Variants in KDM6B observed in about 807,000 individuals in gnomAD.
KDM6B encodes lysine-specific demethylase 6B.
KDM6B carries 22 observed loss-of-function variants against 150.4 expected under a neutral mutation model. The observed-to-expected ratio is 0.15, with a 90% CI of 0.10 to 0.21. The LOEUF (loss-of-function observed/expected upper bound fraction) is 0.21, where lower values mean the gene tolerates loss of function less well. Among genes scored for constraint, KDM6B ranks in the 10% least tolerant of loss-of-function variants. The pLI, the probability that KDM6B is intolerant of heterozygous loss-of-function variation, is 1.00. For missense variants in KDM6B, 1,984 were observed against 2,234.3 expected, an observed-to-expected ratio of 0.89 and a Z score of 2.26; for synonymous variants, 1,148 against 921.1, an observed-to-expected ratio of 1.25 and a Z score of -4.46.
intron 1 of KDM6B, among the ~76,000 whole-genome samples, chr17:7,838,103 C>T (rs1249280690): frequency 2.0e-5 from 3 of 150,396 alleles, no homozygotes; most frequent in African/African-American, 7.4e-5. Flanking sequence ...AAGACCCCAG[C>T]CCCCTCCCGT....
At chr17:7,853,174 T>G (rs369201414) in intron 22 of KDM6B, 36 bp from the exon 23 acceptor site, 20 of 1,613,804 alleles carry the variant, frequency 1.2e-5, no homozygotes, top group South Asian at 4.4e-5. Flanking sequence ...ACAGTGGCCC[T>G]CCCTCCCCCT....
rs199928323 is a variant in KDM6B, at chr17:7,847,161, G to A, written c.966G>A (p.Ala322=). 3.7e-6 allele frequency: 6 copies of A among 1,606,674 alleles called. No individual in the cohort carries two copies. The highest frequency in any genetic ancestry group is 2.2e-5 in the South Asian group (2 of 91,078). The change falls in exon 11 of 24, where the codon GCG becomes GCA. Residue 322 remains alanine, a synonymous_variant. Coordinates refer to ENST00000448097, the MANE Select transcript of KDM6B (RefSeq NM_001348716.2). ...CATACCCAGCTCCAGCGTACACCGC[G>A]CACCCCCCTGGCCACCGGCTGGTCC... ...PYPYPAPAYT[A]HPPGHRLVPA...
chr17:7,846,324 G>A (rs763981867), intron 7 of KDM6B, 27 bp downstream of exon 7: 23 of 1,597,504 alleles, frequency 1.4e-5, no homozygotes, highest in East Asian at 6.9e-5. Context: ...CGTGGGGGAC[G>A]GGATTGTACG....
At position 7,848,645 on chromosome 17, in the gene KDM6B, C is replaced by T. The variant is rs1306086868; in HGVS notation, c.2357C>T (p.Pro786Leu). ...PPPPPLAKFPPPSQPQPPPPP... is the reference protein window; with the variant it reads ...PPPPPLAKFPLPSQPQPPPPP... ...CCACCGCCTCTAGCCAAGTTCCCTC[C>T]ACCCTCTCAGCCACAGCCACCACCA... Residue 786 changes from proline to leucine, a missense_variant, in exon 12 of 24, where the codon CCA becomes CTA. Around this residue, in one of 13 missense-constraint regions of KDM6B, gnomAD observed 1,379 missense variants for 1,275.6 expected, o/e 1.08. Transcript: ENST00000448097. 3 of 1,602,318 alleles carry T rather than the reference C, an allele frequency of 1.9e-6. No individual in the cohort carries two copies. Among genetic ancestry groups the T allele is most frequent in the Admixed American group, 1.7e-5 (1 of 59,146 alleles).
At position 7,852,642 on chromosome 17, in the gene KDM6B, G is replaced by T. The variant is rs747719605; in HGVS notation, c.4610+6G>T. 2 of 1,614,000 alleles carry T rather than the reference G, an allele frequency of 1.2e-6. No homozygotes were observed. The highest frequency in any genetic ancestry group is 1.7e-6 in the Non-Finnish European group (2 of 1,180,036). Reference sequence around the variant, plus strand: ...GACTTGTTCAAGATGATCAAGTGAGGACCCTATTTGGGTGGGAGCCCACCT... The same window carrying T: ...GACTTGTTCAAGATGATCAAGTGAGTACCCTATTTGGGTGGGAGCCCACCT... On this transcript the variant is annotated splice_donor_region_variant and intron_variant, in intron 21 of 23. Transcript: ENST00000448097.
At position 7,853,564 on chromosome 17, in the gene KDM6B, CG is replaced by C; in HGVS notation, c.*47del. 1.5e-6 allele frequency: 2 copies of C among 1,371,128 alleles called. No homozygotes were observed. The highest frequency in any genetic ancestry group is 1.5e-5 in the South Asian group (1 of 66,994). 84.9% of individuals were successfully genotyped at this position (1,371,128 alleles called of 1,614,324 possible). Reference sequence around the variant, plus strand: ...GCCTGCCTGCCCGCGCAAGGCGCCGCGGGGCCACCAGCACATGCCTGGGCTG... The same window carrying C: ...GCCTGCCTGCCCGCGCAAGGCGCCGCGGGCCACCAGCACATGCCTGGGCTG... On this transcript the variant is annotated 3_prime_UTR_variant, in exon 24 of 24. Transcript: ENST00000448097.
In KDM6B at chr17:7,848,108, C is replaced by T. The variant is rs1402903976; in HGVS notation, c.1820C>T (p.Pro607Leu). Residue 607 changes from proline to leucine, a missense_variant, in exon 12 of 24, where the codon CCT (proline) becomes CTT (leucine). By Grantham distance (98) the Pro-to-Leu change is moderately conservative. Transcript: ENST00000448097. Reference protein sequence around the residue: ...PPLVPLTLALPPAPPSSCHQN... With the variant: ...PPLVPLTLALLPAPPSSCHQN... ...CTTGTACCCCTGACTCTTGCCCTGCCTCCAGCCCCTCCTTCCTCCTGCCAC... is the reference window on the plus strand; with the variant it reads ...CTTGTACCCCTGACTCTTGCCCTGCTTCCAGCCCCTCCTTCCTCCTGCCAC... 1.6e-5 allele frequency: 26 copies of T among 1,612,950 alleles called. No homozygotes were observed. The highest frequency in any genetic ancestry group is 2.1e-5 in the Non-Finnish European group (25 of 1,179,842).
At chr17:7,853,463 C>T in intron 23 of KDM6B, 35 bp from the exon 24 acceptor site, 8 of 1,511,480 alleles carry the variant, frequency 5.3e-6, no homozygotes, top group Non-Finnish European at 7.0e-6. Context: ...CCGGCCGCGC[C>T]TTTCCCTGAG....
intron 1 of KDM6B, among the ~76,000 whole-genome samples, chr17:7,837,466 G>T (rs922102493): frequency 1.3e-5 from 2 of 152,232 alleles, no homozygotes; most frequent in Non-Finnish European, 2.9e-5. Context: ...GGGGGACTCA[G>T]TTGATTGCTA....
At position 7,849,714 on chromosome 17, in the gene KDM6B, C is replaced by G. The variant is rs138335949; in HGVS notation, c.3426C>G (p.Val1142=). The G allele has an allele frequency of 1.2e-6, 2 of 1,611,480 alleles. No homozygotes were observed. The highest frequency in any genetic ancestry group is 1.1e-5 in the South Asian group (1 of 91,074). The change falls in exon 12 of 24, where the codon GTC becomes GTG. Residue 1142 remains valine (V), a synonymous_variant. Transcript: ENST00000448097. The stretch of plus-strand genomic sequence containing the variant: ...CCATCAGCCACTGTGCTGCTGACGT[C>G]GTGCGCGCCAGCAGGTGAGTCGGCT... ...DLTISHCAAD[V]VRASRNAKVK...
Position 7,847,753 on chromosome 17 carries a change from C to G in KDM6B, c.1465C>G (p.Pro489Ala). Residue 489 changes from proline (P) to alanine (A), a missense_variant, in exon 12 of 24, where the codon CCG (proline) becomes GCG (alanine). By Grantham distance (27) the Pro-to-Ala change is conservative. Coordinates refer to ENST00000448097, the MANE Select transcript of KDM6B (RefSeq NM_001348716.2). The stretch of plus-strand genomic sequence containing the variant: ...ACCACCCCCTGCCTGGTTGAAGGGT[C>G]CGGCCTGCCGGGCAGCCCGAGAGGA... Reference protein sequence around the residue: ...PPPPPAWLKGPACRAAREDGE... With the variant: ...PPPPPAWLKGAACRAAREDGE... 7.7e-7 allele frequency: 1 copy of G among 1,301,376 alleles called. No individual in the cohort carries two copies. The highest frequency in any genetic ancestry group is 1.0e-6 in the Non-Finnish European group (1 of 996,274). The allele number at this position is 1,301,376 out of a possible 1,614,324, so 80.6% of individuals were successfully genotyped here.
Position 7,846,124 on chromosome 17 carries a change from G to A in KDM6B, c.283G>A (p.Gly95Ser), listed in dbSNP as rs2078531057. ...CCATGGGAAGCTGGAATCCCTGCAT[G>A]GCTGTGTGCAGGCATTGCTCCGGGA... Reference protein sequence around the residue: ...PLHGKLESLHGCVQALLREPA... With the variant: ...PLHGKLESLHSCVQALLREPA... Residue 95 changes from glycine (G) to serine (S), a missense_variant, in exon 7 of 24, where the codon GGC becomes AGC. By Grantham distance (56) the Gly-to-Ser change is moderately conservative. Around this residue, in one of 13 missense-constraint regions of KDM6B, gnomAD observed 337 missense variants for 323.9 expected, o/e 1.04. Coordinates refer to ENST00000448097, the MANE Select transcript of KDM6B (RefSeq NM_001348716.2). 5 of 1,591,518 alleles carry A rather than the reference G, an allele frequency of 3.1e-6. No individual in the cohort carries two copies. Among genetic ancestry groups the A allele is most frequent in the Admixed American group, 3.4e-5 (2 of 58,502 alleles).
Position 7,845,659 on chromosome 17 carries a change from C to A in KDM6B, c.105C>A (p.Pro35=), listed in dbSNP as rs1213628474. Residue 35 remains proline (P), a synonymous_variant, in exon 5 of 24, where the codon CCC becomes CCA. Coordinates refer to ENST00000448097, the MANE Select transcript of KDM6B (RefSeq NM_001348716.2). ...CCTGGAGCTCCTGCCCGCCTCATCC[C>A]CCTCCTCGTAGCGCATGGCTGCCTG... ...AGAWSSCPPH[P]PPRSAWLPGG... 6.2e-7 allele frequency: 1 copy of A among 1,614,106 alleles called. No homozygotes were observed. Among genetic ancestry groups the A allele is most frequent in the East Asian group, 2.2e-5 (1 of 44,856 alleles).
chr17:7,852,481 C>T lies in KDM6B; in HGVS notation c.4469-14C>T. The T allele has an allele frequency of 1.9e-6, 3 of 1,606,210 alleles. No individual in the cohort carries two copies. Among genetic ancestry groups the T allele is most frequent in the African/African-American group, 1.3e-5 (1 of 74,766 alleles). ...CTGTTTGAGAGTCCTGTTGTGATCG[C>T]CTTTGGCCCGCAGCCTATCAGTACC... On this transcript the variant is annotated splice_polypyrimidine_tract_variant and intron_variant, in intron 20 of 23. Transcript: ENST00000448097.
rs184475933 is a variant in KDM6B, at chr17:7,851,714, C to T, written c.4083C>T (p.Asn1361=). 6.4e-7 allele frequency: 1 copy of T among 1,561,372 alleles called. No homozygotes were observed. Among genetic ancestry groups the T allele is most frequent in the East Asian group, 2.4e-5 (1 of 42,074 alleles). The change falls in exon 18 of 24, where the codon AAC becomes AAT. Residue 1361 remains asparagine (N), a synonymous_variant. Coordinates refer to ENST00000448097, the MANE Select transcript of KDM6B (RefSeq NM_001348716.2). ...PAFMRVTSTG[N]MLSHVGHTIL... is the part of the protein sequence containing the mutation. ...TCATGCGGGTAACATCCACGGGCAACATGCTGAGCCACGTGGGCCACACCA... is the reference window on the plus strand; with the variant it reads ...TCATGCGGGTAACATCCACGGGCAATATGCTGAGCCACGTGGGCCACACCA...
intron 1 of KDM6B, among the ~76,000 whole-genome samples, chr17:7,836,467 G>T (rs930180246): frequency 5.3e-5 from 8 of 152,190 alleles, no homozygotes; most frequent in Non-Finnish European, 7.4e-5. Context: ...ATTCCGGCTG[G>T]CGGCCGGCTG....
At position 7,844,269 on chromosome 17, in the gene KDM6B, G is replaced by A. The variant is rs1313561731; in HGVS notation, c.-268-632G>A. ...CGGTGCGCGACTTCTCGGAAGTTGG[G>A]GGACTAAAAGGGGTCTGATTTTGGG... On this transcript the variant is annotated intron_variant, in intron 2 of 23. Transcript: ENST00000448097. The surrounding 1 kb of genome is among the most constrained non-coding windows in gnomAD (Gnocchi z 5.9). 6.6e-6 allele frequency: 1 copy of A among 152,332 alleles called. No individual in the cohort carries two copies. Among genetic ancestry groups the A allele is most frequent in the Non-Finnish European group, 1.5e-5 (1 of 68,146 alleles). The allele number at this position is 152,332 out of a possible 1,614,324, so 9.4% of individuals were successfully genotyped here.
chr17:7,848,540 TCACCACCACCACCACCACCAC>T lies in KDM6B; in HGVS notation c.2265_2285del (p.Thr756_Thr762del). On this transcript the variant is annotated inframe_deletion, in exon 12 of 24. Transcript: ENST00000448097. ...ACCACTACTGCTCCTGCTGTCGCCG[TCACCACCACCACCACCACCAC>T]CACCACCACCACGGCCACCCAGGAA... The T allele has an allele frequency of 1.9e-6, 3 of 1,575,768 alleles. No homozygotes were observed. The highest frequency in any genetic ancestry group is 2.3e-5 in the East Asian group (1 of 43,536).
chr17:7,840,110 GC>G (rs911214719), intron 2 of KDM6B, 86 bp downstream of exon 2: 2 of 152,592 alleles, frequency 1.3e-5, no homozygotes, highest in Non-Finnish European at 2.9e-5. Flanking sequence ...TCTGGATCAT[GC>G]CCACTCTTCA....
Sources: allele counts gnomAD v4.1 joint callset (sites outside exome capture counted in the v4.1 genomes callset), GRCh38; gene constraint gnomAD v4.1.1; regional missense constraint gnomAD v4.1.1; non-coding constraint Gnocchi (gnomAD v3.1); transcripts MANE v1.5; gene names NCBI Gene and HGNC (gene_info 2026-07-23, HGNC 2026-07-21).